The following NTRK2 variants were observed in gnomAD, a reference collection of about 807,000 sequenced individuals.
NTRK2 encodes the protein BDNF/NT-3 growth factors receptor.
In NTRK2, 13 loss-of-function variants were observed where a neutral mutation model predicts 94.5. That is an observed-to-expected ratio of 0.14 (90% CI 0.09 to 0.22). The LOEUF is 0.22. NTRK2 is among the 10% of genes least tolerant of loss of function. The probability of loss-of-function intolerance (pLI) is 1.00; values close to 1 mark genes in which losing one functional copy is unlikely to be tolerated. For synonymous variants in NTRK2, 372 were observed against 407.4 expected (o/e 0.91, Z 1.05); for missense variants, 639 against 1,071.2 (o/e 0.60, Z 5.63).
intron 2 of NTRK2, among the ~76,000 whole-genome samples, chr9:84,675,460 C>T (rs1317914564): frequency 6.6e-6 from 1 of 151,214 alleles, no homozygotes; most frequent in Non-Finnish European, 1.5e-5. Flanking sequence ...TGGCCTTATC[C>T]CTCTGGCTAA....
rs2291506 is a variant in NTRK2, at chr9:85,024,933, A to G, written c.*3496A>G. The G allele has an allele frequency of 0.53, 123,082 of 232,822 alleles. 33,318 individuals carry two copies. The highest frequency in any genetic ancestry group is 0.62 in the Middle Eastern group (485 of 786). The allele number at this position is 232,822 out of a possible 1,614,324, so 14.4% of individuals were successfully genotyped here. On this transcript the variant is annotated 3_prime_UTR_variant, in exon 19 of 19. Coordinates refer to ENST00000277120, the MANE Select transcript of NTRK2 (RefSeq NM_006180.6). ...TGTATGTGTTATAAATACTTGATTTATACATATACAAATGCACATACGTAG... is the reference window on the plus strand; with the variant it reads ...TGTATGTGTTATAAATACTTGATTTGTACATATACAAATGCACATACGTAG...
intron 14 of NTRK2, among the ~76,000 whole-genome samples, chr9:84,898,957 T>A (rs765396060): frequency 2.4e-4 from 36 of 152,156 alleles, no homozygotes; most frequent in Non-Finnish European, 4.6e-4. Flanking sequence ...CACCTCAGCC[T>A]CCCAAAGTGC....
intron 16 of NTRK2, among the ~76,000 whole-genome samples, chr9:84,949,536 T>G (rs2808713): frequency 0.67 from 101,861 of 151,936 alleles, 35,552 homozygotes; most frequent in Non-Finnish European, 0.78. Context: ...TATGTGGTCT[T>G]GGCTCACTGC....
chr9:84,766,787 A>G (rs997427561), intron 12 of NTRK2, among the ~76,000 whole-genome samples: 4 of 152,034 alleles, frequency 2.6e-5, no homozygotes, highest in African/African-American at 9.7e-5. Flanking sequence ...AGATACATAC[A>G]TAACATGCAC....
intron 16 of NTRK2, among the ~76,000 whole-genome samples, chr9:84,954,260 C>T (rs1238387105): frequency 1.3e-5 from 2 of 152,202 alleles, no homozygotes; most frequent in Non-Finnish European, 2.9e-5. Flanking sequence ...ACTGCAGCGC[C>T]CCCTCAGGCC....
intron 17 of NTRK2, among the ~76,000 whole-genome samples, chr9:84,982,600 C>A (rs975236973): frequency 1.1e-4 from 16 of 152,260 alleles, no homozygotes; most frequent in African/African-American, 3.4e-4. Context: ...GTCCCAACAT[C>A]TTCATTTAGC....
chr9:84,888,981 A>ATT (rs1564435262), intron 14 of NTRK2, among the ~76,000 whole-genome samples: 3 of 82,900 alleles, frequency 3.6e-5, no homozygotes, highest in Non-Finnish European at 6.6e-5. Context: ...TAATGACAGA[A>ATT]ATTTTTTTTT....
chr9:84,844,386 A>G (rs1406426721), intron 12 of NTRK2, among the ~76,000 whole-genome samples: 2 of 152,190 alleles, frequency 1.3e-5, no homozygotes, highest in South Asian at 2.1e-4. Flanking sequence ...CTCCTCCCAC[A>G]TTCAGAATAA....
In NTRK2 at chr9:84,948,653, G is replaced by T. The variant is rs199872297; in HGVS notation, c.1937+19G>T. The T allele has an allele frequency of 1.9e-6, 3 of 1,613,488 alleles. No homozygotes were observed. Among genetic ancestry groups the T allele is most frequent in the African/African-American group, 1.3e-5 (1 of 75,038 alleles). ...TCCTCAGGTACAGTGAGGCGGGGAGGTGGGCTCCAGGAGGGAGCAGGCCTT... is the reference window on the plus strand; with the variant it reads ...TCCTCAGGTACAGTGAGGCGGGGAGTTGGGCTCCAGGAGGGAGCAGGCCTT... On this transcript the variant is annotated intron_variant, in intron 16 of 18. Coordinates refer to ENST00000277120, the MANE Select transcript of NTRK2 (RefSeq NM_006180.6).
chr9:84,790,449 G>A (rs867598057), intron 12 of NTRK2, among the ~76,000 whole-genome samples: 21 of 152,296 alleles, frequency 1.4e-4, no homozygotes, highest in African/African-American at 5.1e-4. Context: ...GGGATGCAGA[G>A]TCCTGGCTTG....
At chr9:85,003,544 G>C (rs754634353) in intron 17 of NTRK2, among the ~76,000 whole-genome samples, 5 of 152,150 alleles carry the variant, frequency 3.3e-5, no homozygotes, top group African/African-American at 1.2e-4. Context: ...GGGGAGGAGA[G>C]GGAGCTGAGC....
chr9:84,984,623 G>A (rs1318644060), intron 17 of NTRK2, among the ~76,000 whole-genome samples: 1 of 152,336 alleles, frequency 6.6e-6, no homozygotes, highest in African/African-American at 2.4e-5. Context: ...CTGGCCTGGG[G>A]ACCACAGGCT....
intron 17 of NTRK2, among the ~76,000 whole-genome samples, chr9:85,010,960 A>T (rs1331392473): frequency 6.6e-6 from 1 of 152,172 alleles, no homozygotes; most frequent in African/African-American, 2.4e-5. Context: ...CTGAAGCAAC[A>T]TGGAGTCCAG....
intron 17 of NTRK2, among the ~76,000 whole-genome samples, chr9:85,002,364 T>C (rs1049670613): frequency 1.3e-5 from 2 of 152,184 alleles, no homozygotes; most frequent in Non-Finnish European, 2.9e-5. Context: ...GAGGTTTGCA[T>C]CTGGTGTGAG....
In NTRK2 at chr9:84,948,409, C is replaced by G. The variant is rs1427462452; in HGVS notation, c.1765-53C>G. On this transcript the variant is annotated intron_variant, in intron 15 of 18. Transcript: ENST00000277120. ...AATGAGATGGATGTCTTTCCTATCT[C>G]AGTATCATAGGGCCCACTGAAGTAA... is the stretch of plus-strand genomic sequence containing the variant. The G allele has an allele frequency of 2.6e-6, 4 of 1,559,684 alleles. No individual in the cohort carries two copies. The South Asian group carries it at 4.5e-5, about 18-fold the overall frequency.
At chr9:84,698,557 C>T (rs545138266) in intron 2 of NTRK2, among the ~76,000 whole-genome samples, 2 of 152,058 alleles carry the variant, frequency 1.3e-5, no homozygotes, top group African/African-American at 2.4e-5. Flanking sequence ...GGATGAATAC[C>T]TGGAATAGAA....
At chr9:84,940,967 T>C (rs1372353953) in intron 15 of NTRK2, among the ~76,000 whole-genome samples, 1 of 152,174 alleles carries the variant, frequency 6.6e-6, no homozygotes, top group Non-Finnish European at 1.5e-5. Flanking sequence ...TGTGAAATAC[T>C]TGTTCCCAAA....
intron 14 of NTRK2, among the ~76,000 whole-genome samples, chr9:84,895,769 C>A (rs2076740383): frequency 6.6e-6 from 1 of 152,208 alleles, no homozygotes; most frequent in Non-Finnish European, 1.5e-5. Flanking sequence ...TCCCACCTCA[C>A]TTCTGCAGTG....
At chr9:84,773,558 A>C (rs2066755798) in intron 12 of NTRK2, among the ~76,000 whole-genome samples, 1 of 152,152 alleles carries the variant, frequency 6.6e-6, no homozygotes, top group Non-Finnish European at 1.5e-5. Context: ...AGTAAGTAGT[A>C]GGTTCTCCTC....
Sources: allele counts gnomAD v4.1 joint callset (sites outside exome capture counted in the v4.1 genomes callset), GRCh38; gene constraint gnomAD v4.1.1; transcripts MANE v1.5; gene names NCBI Gene and HGNC (gene_info 2026-07-23, HGNC 2026-07-21).